Variants in IGSF21 observed in about 807,000 individuals in gnomAD.
IGSF21 encodes immunoglobin superfamily member 21, also known as immunoglobulin superfamily member 21.
IGSF21 carries 28 observed loss-of-function variants against 46.8 expected under a neutral mutation model. The observed-to-expected ratio is 0.60, with a 90% confidence interval of 0.44 to 0.82. The LOEUF (loss-of-function observed/expected upper bound fraction) is 0.82, where lower values mean the gene tolerates loss of function less well. Among genes scored for constraint, IGSF21 ranks in the 40% least tolerant of loss-of-function variants. The pLI, the probability that IGSF21 is intolerant of heterozygous loss-of-function variation, is 0.00. For synonymous variants in IGSF21, 284 were observed against 273.6 expected (o/e 1.04, Z -0.38); for missense variants, 624 against 665.5 (o/e 0.94, Z 0.69).
At chr1:18,155,599 A>G (rs1040870228) in intron 1 of IGSF21, among the ~76,000 whole-genome samples, 18 of 152,220 alleles carry the variant, frequency 1.2e-4, no homozygotes, top group Admixed American at 3.9e-4. Flanking sequence ...CCGGGTGCCC[A>G]AAAAGCTGGG....
At chr1:18,150,672 G>C (rs2086514356) in intron 1 of IGSF21, among the ~76,000 whole-genome samples, 1 of 152,150 alleles carries the variant, frequency 6.6e-6, no homozygotes, top group Admixed American at 6.5e-5. Context: ...AATTCCAGAG[G>C]GGACTCAATC....
chr1:18,251,531 G>T (rs1225508173), intron 2 of IGSF21, among the ~76,000 whole-genome samples: 1 of 152,158 alleles, frequency 6.6e-6, no homozygotes, highest in Non-Finnish European at 1.5e-5. Flanking sequence ...TCCAAAGGGG[G>T]CACAAAACCA....
intron 1 of IGSF21, among the ~76,000 whole-genome samples, chr1:18,157,601 C>A (rs74055917): frequency 6.6e-6 from 1 of 152,224 alleles, no homozygotes; most frequent in Admixed American, 6.5e-5. Flanking sequence ...CCTCCCAGCC[C>A]GGTCTGGTAC....
chr1:18,316,860 G>T (rs533415760), intron 3 of IGSF21, among the ~76,000 whole-genome samples: 1 of 152,212 alleles, frequency 6.6e-6, no homozygotes, highest in Non-Finnish European at 1.5e-5. Flanking sequence ...CATACCAAGT[G>T]CTGTGTGTTA....
At chr1:18,126,330 T>G (rs2124412309) in intron 1 of IGSF21, among the ~76,000 whole-genome samples, 1 of 152,264 alleles carries the variant, frequency 6.6e-6, no homozygotes, top group African/African-American at 2.4e-5. Flanking sequence ...GGGGAGGAAG[T>G]GCAGGCCATC....
chr1:18,135,576 A>G (rs1049026447), intron 1 of IGSF21, among the ~76,000 whole-genome samples: 1 of 152,094 alleles, frequency 6.6e-6, no homozygotes, highest in Non-Finnish European at 1.5e-5. Context: ...CCATGTCCCT[A>G]CAAAGGATGT....
intron 2 of IGSF21, among the ~76,000 whole-genome samples, chr1:18,234,278 C>T (rs1557599726): frequency 6.6e-6 from 1 of 152,206 alleles, no homozygotes; most frequent in African/African-American, 2.4e-5. Flanking sequence ...CCTTCCCCAA[C>T]CCCTGGCCTT....
chr1:18,216,664 A>T (rs1312514323), intron 1 of IGSF21, among the ~76,000 whole-genome samples: 1 of 152,102 alleles, frequency 6.6e-6, no homozygotes, highest in African/African-American at 2.4e-5. Flanking sequence ...ATGACCTGTT[A>T]GCTTTCCCCC....
At chr1:18,282,011 C>T (rs1016869929) in intron 2 of IGSF21, among the ~76,000 whole-genome samples, 11 of 152,172 alleles carry the variant, frequency 7.2e-5, no homozygotes, top group South Asian at 6.2e-4. Context: ...TGCCCCTCCC[C>T]TCTTTGGGCC....
intron 3 of IGSF21, among the ~76,000 whole-genome samples, chr1:18,311,032 C>T (rs2085483348): frequency 6.6e-6 from 1 of 152,198 alleles, no homozygotes; most frequent in African/African-American, 2.4e-5. Flanking sequence ...ACCCTATTTC[C>T]AAATCAGGTT....
intron 1 of IGSF21, among the ~76,000 whole-genome samples, chr1:18,136,493 C>G (rs11261092): frequency 0.22 from 33,403 of 152,164 alleles, 4,475 homozygotes; most frequent in East Asian, 0.52. Flanking sequence ...CCAGTTTTCC[C>G]AGCACCATTT....
intron 2 of IGSF21, among the ~76,000 whole-genome samples, chr1:18,237,660 C>T (rs981360921): frequency 6.6e-6 from 1 of 152,178 alleles, no homozygotes; most frequent in African/African-American, 2.4e-5. Flanking sequence ...GTTCTCTCAG[C>T]GTTTTGTACA....
intron 1 of IGSF21, among the ~76,000 whole-genome samples, chr1:18,207,499 C>T (rs565973272): frequency 6.6e-6 from 1 of 152,308 alleles, no homozygotes; most frequent in Admixed American, 6.5e-5. Flanking sequence ...GGAAGACTCT[C>T]TAATATGGAC....
chr1:18,369,564 G>A (rs894208003), intron 6 of IGSF21, among the ~76,000 whole-genome samples: 4 of 152,322 alleles, frequency 2.6e-5, no homozygotes, highest in East Asian at 3.9e-4. Context: ...TATGACCAGT[G>A]GAATGTGCCA....
chr1:18,115,944 C>T (rs2009123), intron 1 of IGSF21: 145,398 of 148,680 alleles, frequency 0.98, 71,167 homozygotes, highest in South Asian at 1. Flanking sequence ...AAGCATTCAC[C>T]GAGCAGCTAC....
At chr1:18,338,283 T>C (rs1391816590) in intron 4 of IGSF21, among the ~76,000 whole-genome samples, 2 of 152,218 alleles carry the variant, frequency 1.3e-5, no homozygotes, top group Non-Finnish European at 2.9e-5. Context: ...CCTTCAAATA[T>C]GTTTCAGGGC....
chr1:18,227,907 C>G lies in IGSF21; in HGVS notation c.80C>G (p.Thr27Arg). The part of the protein sequence containing the change: ...AILDLARGYL[T>R]VNIEPLPPVV... ...CTCCTCTCTTCTGTAGGCTACCTGA[C>G]AGTCAACATTGAGCCTCTCCCCCCT... The change falls in exon 2 of 10, where the codon ACA (threonine) becomes AGA (arginine). Residue 27 changes from threonine to arginine, a missense_variant. Coordinates refer to ENST00000251296, the MANE Select transcript of IGSF21 (RefSeq NM_032880.5). The G allele has an allele frequency of 6.2e-7, 1 of 1,613,746 alleles. No individual in the cohort carries two copies. The highest frequency in any genetic ancestry group is 8.5e-7 in the Non-Finnish European group (1 of 1,179,674).
In IGSF21 at chr1:18,199,597, G is replaced by A. The variant is rs4920455; in HGVS notation, c.71-28301G>A. On this transcript the variant is annotated intron_variant, in intron 1 of 9. Transcript: ENST00000251296. ...CTCCTCTTTGGCCATCTGCATGTGC[G>A]TGATGGGAAGCTGTGCCTGTGCCTC... Among the ~76,000 whole-genome samples the A allele has an allele frequency of 5.9e-5, 9 of 151,768 alleles. No individual in the cohort carries two copies. The South Asian group carries it at 8.3e-4, about 14-fold the overall frequency.
At chr1:18,140,799 G>A (rs1173441522) in intron 1 of IGSF21, among the ~76,000 whole-genome samples, 1 of 152,176 alleles carries the variant, frequency 6.6e-6, no homozygotes, top group Non-Finnish European at 1.5e-5. Context: ...CACTGTCATG[G>A]CATTTACACC....
Sources: gnomAD v4.1 joint callset for allele counts (sites outside exome capture counted in the v4.1 genomes callset) on GRCh38, gnomAD v4.1.1 for gene constraint, MANE v1.5 for transcripts, NCBI Gene and HGNC (gene_info 2026-07-23, HGNC 2026-07-21) for gene names.